CRIM1: variants seen among roughly 807,000 people sequenced by gnomAD.
CRIM1 encodes the protein cysteine rich transmembrane BMP regulator 1.
A neutral mutation model predicts 116.4 loss-of-function variants in CRIM1; 32 were observed. The ratio of observed to expected loss-of-function variants is 0.27; its 90% confidence interval spans 0.21 to 0.37. CRIM1 has a LOEUF of 0.37. CRIM1 is among the 10% of genes least tolerant of loss of function. The pLI is 1.00. For missense variants in CRIM1, 1,331 were observed against 1,354.8 expected (o/e 0.98, Z 0.28); for synonymous variants, 590 against 509.2 (o/e 1.16, Z -2.13).
Position 36,548,673 on chromosome 2 carries a change from A to G in CRIM1, c.3083A>G (p.Gln1028Arg). Residue 1028 changes from glutamine (Q) to arginine (R), a missense_variant, in exon 17 of 17, where the codon CAG becomes CGG. Physicochemically the swap from Gln to Arg is conservative, Grantham distance 43. Around this residue, in one of 3 missense-constraint regions of CRIM1, gnomAD observed 283 missense variants for 242.8 expected, o/e 1.17. Coordinates refer to ENST00000280527, the MANE Select transcript of CRIM1 (RefSeq NM_016441.3). ...FYSMQKQNHL[Q>R]ADNFYQTV Reference sequence around the variant, plus strand: ...AGCATGCAAAAACAGAACCATCTACAGGCAGACAATTTCTACCAAACAGTG... The same window carrying G: ...AGCATGCAAAAACAGAACCATCTACGGGCAGACAATTTCTACCAAACAGTG... 6.3e-7 allele frequency: 1 copy of G among 1,598,984 alleles called. No homozygotes were observed. Among genetic ancestry groups the G allele is most frequent in the Non-Finnish European group, 8.5e-7 (1 of 1,175,734 alleles).
chr2:36,488,848 T>C (rs1680022559), intron 7 of CRIM1, among the ~76,000 whole-genome samples: 1 of 152,138 alleles, frequency 6.6e-6, no homozygotes. Flanking sequence ...CTAAGAATCC[T>C]CAAGATCCTA....
chr2:36,461,923 T>G (rs1480325847), intron 4 of CRIM1, among the ~76,000 whole-genome samples: 1 of 152,220 alleles, frequency 6.6e-6, no homozygotes, highest in Non-Finnish European at 1.5e-5. Context: ...CTTTTGTGGT[T>G]CTTTCATCAG....
At chr2:36,435,027 G>A (rs1035504121) in intron 2 of CRIM1, among the ~76,000 whole-genome samples, 2 of 152,110 alleles carry the variant, frequency 1.3e-5, no homozygotes, top group African/African-American at 4.8e-5. Flanking sequence ...ATGGTGCTGT[G>A]TAGCTTTTTA....
intron 1 of CRIM1, among the ~76,000 whole-genome samples, chr2:36,363,305 C>T (rs1456899192): frequency 1.3e-5 from 2 of 151,772 alleles, no homozygotes; most frequent in Non-Finnish European, 2.9e-5. Flanking sequence ...GATAGGGTTG[C>T]TATAAGGACT....
At chr2:36,444,477 C>T (rs568531952) in intron 4 of CRIM1, among the ~76,000 whole-genome samples, 1 of 152,274 alleles carries the variant, frequency 6.6e-6, no homozygotes, top group African/African-American at 2.4e-5. Context: ...TAGCTGCCTT[C>T]CATTTTATCC....
At chr2:36,491,106 G>T (rs1192415281) in intron 7 of CRIM1, among the ~76,000 whole-genome samples, 2 of 152,102 alleles carry the variant, frequency 1.3e-5, no homozygotes, top group African/African-American at 4.8e-5. Flanking sequence ...TTTTTATTTG[G>T]CATTATCAAG....
intron 2 of CRIM1, among the ~76,000 whole-genome samples, chr2:36,411,200 T>C (rs907472632): frequency 3.3e-5 from 5 of 152,222 alleles, no homozygotes; most frequent in African/African-American, 9.6e-5. Context: ...ACCTAACTTA[T>C]TTCTGTTTCA....
At chr2:36,502,230 G>A (rs966156561) in intron 8 of CRIM1, among the ~76,000 whole-genome samples, 16 of 152,258 alleles carry the variant, frequency 1.1e-4, no homozygotes, top group African/African-American at 3.9e-4. Context: ...CAAAGAAGCA[G>A]TTTCCCTCAA....
At chr2:36,536,580 T>G (rs926366290) in intron 13 of CRIM1, among the ~76,000 whole-genome samples, 1 of 152,108 alleles carries the variant, frequency 6.6e-6, no homozygotes, top group African/African-American at 2.4e-5. Flanking sequence ...AGAGGGAAAT[T>G]TCTGTGTGTG....
chr2:36,452,520 A>T, intron 4 of CRIM1, among the ~76,000 whole-genome samples: 1 of 152,210 alleles, frequency 6.6e-6, no homozygotes. Context: ...AATTGTAGGA[A>T]TTCCATGTTA....
chr2:36,489,226 A>G lies in CRIM1; in HGVS notation c.1372+9532A>G, dbSNP rs17018913. Among the ~76,000 whole-genome samples, 1,103 of 152,270 alleles carry G rather than the reference A, an allele frequency of 7.2e-3. 17 individuals carry two copies. The highest frequency in any genetic ancestry group is 0.025 in the African/African-American group (1,056 of 41,556). Reference sequence around the variant, plus strand: ...GTTGAACCCCCTTAGTTTGCCTATCAGTAGGAAGACAGGAGATCATGTTGT... The same window carrying G: ...GTTGAACCCCCTTAGTTTGCCTATCGGTAGGAAGACAGGAGATCATGTTGT... On this transcript the variant is annotated intron_variant, in intron 7 of 16. Coordinates refer to ENST00000280527, the MANE Select transcript of CRIM1 (RefSeq NM_016441.3).
At chr2:36,421,106 G>T (rs1409314434) in intron 2 of CRIM1, among the ~76,000 whole-genome samples, 4 of 152,174 alleles carry the variant, frequency 2.6e-5, no homozygotes, top group African/African-American at 7.2e-5. Context: ...CATAACTACT[G>T]TTAAATCCAA....
rs116468863 is a variant in CRIM1 at position 36,435,077 on chromosome 2, C to G, written c.506-6181C>G. The stretch of plus-strand genomic sequence containing the variant: ...CAGAATTGTAATTCTCAAGGTTGGT[C>G]TCCCTGTGCTACTGAGTGACCAAGG... On this transcript the variant is annotated intron_variant, in intron 2 of 16. Transcript: ENST00000280527. Among the ~76,000 whole-genome samples, 398 of 152,272 alleles carry G rather than the reference C, an allele frequency of 2.6e-3. 1 individual carries two copies. The highest frequency in any genetic ancestry group is 9.0e-3 in the African/African-American group (372 of 41,558).
intron 4 of CRIM1, among the ~76,000 whole-genome samples, chr2:36,448,183 G>C (rs560611795): frequency 6.6e-6 from 1 of 152,188 alleles, no homozygotes; most frequent in African/African-American, 2.4e-5. Flanking sequence ...TGATAAAACC[G>C]GGTCCATTTT....
intron 1 of CRIM1, among the ~76,000 whole-genome samples, chr2:36,393,310 T>G (rs1195914166): frequency 6.6e-6 from 1 of 152,152 alleles, no homozygotes; most frequent in East Asian, 1.9e-4. Context: ...TAAAATAGGA[T>G]TTGTATTGTT....
intron 2 of CRIM1, among the ~76,000 whole-genome samples, chr2:36,430,361 A>T (rs1445210277): frequency 6.6e-6 from 1 of 152,204 alleles, no homozygotes; most frequent in East Asian, 1.9e-4. Context: ...TTATTTGTTG[A>T]AATGCCTTTT....
At chr2:36,471,386 A>T (rs956155256) in intron 5 of CRIM1, among the ~76,000 whole-genome samples, 1 of 152,094 alleles carries the variant, frequency 6.6e-6, no homozygotes, top group Admixed American at 6.5e-5. Flanking sequence ...CAATGTGGCA[A>T]ACTTCATTAT....
At chr2:36,516,583 C>T (rs1228693354) in intron 11 of CRIM1, among the ~76,000 whole-genome samples, 1 of 152,168 alleles carries the variant, frequency 6.6e-6, no homozygotes, top group Admixed American at 6.5e-5. Context: ...TACCTCTCTT[C>T]ATGATGATAT....
chr2:36,489,817 G>C (rs1467278956), intron 7 of CRIM1, among the ~76,000 whole-genome samples: 2 of 152,156 alleles, frequency 1.3e-5, no homozygotes, highest in Admixed American at 1.3e-4. Context: ...AGGAAGAACA[G>C]GGGCCAGGCA....
Sources: gnomAD v4.1 joint callset for allele counts (sites outside exome capture counted in the v4.1 genomes callset) on GRCh38, gnomAD v4.1.1 for gene constraint, gnomAD v4.1.1 regional missense constraint, MANE v1.5 for transcripts, NCBI Gene and HGNC (gene_info 2026-07-23, HGNC 2026-07-21) for gene names.